Variants in ZNF469 observed in about 807,000 individuals in gnomAD.
ZNF469 encodes the protein zinc finger protein 469.
A neutral mutation model predicts 1.0 loss-of-function variants in ZNF469; 1 was observed. That is an observed-to-expected ratio of 1.00 (90% CI 0.35 to 4.73). The LOEUF (loss-of-function observed/expected upper bound fraction) is 4.73, where lower values mean the gene tolerates loss of function less well. Ranked by LOEUF, ZNF469 falls within the 30% of genes most tolerant of loss-of-function variation. ZNF469 has a pLI of 0.16. For missense variants in ZNF469, 6,100 were observed against 5,356.3 expected, an observed-to-expected ratio of 1.14 and a Z score of -4.33; for synonymous variants, 2,703 against 2,363.4, an observed-to-expected ratio of 1.14 and a Z score of -4.17.
chr16:88,223,793 T>C, the ZNF469 span, among the ~76,000 whole-genome samples: 3 of 152,194 alleles, frequency 2.0e-5, no homozygotes, highest in African/African-American at 7.2e-5. Flanking sequence ...AATTTGTGGT[T>C]ATTTGACTTT....
intron 1 of ZNF469, among the ~76,000 whole-genome samples, chr16:88,399,327 G>T (rs1371900116): frequency 1.3e-5 from 2 of 152,224 alleles, no homozygotes; most frequent in African/African-American, 2.4e-5. Context: ...CAGGTTCTGG[G>T]GACAAGGATA....
upstream of ZNF469, among the ~76,000 whole-genome samples, chr16:88,377,996 C>A (rs866809640): frequency 7.2e-5 from 11 of 152,270 alleles, no homozygotes; most frequent in Middle Eastern, 3.4e-3. Flanking sequence ...ACACCTGCAT[C>A]CTCAAGGACC....
chr16:88,359,461 G>A, the ZNF469 span, among the ~76,000 whole-genome samples: 1 of 152,204 alleles, frequency 6.6e-6, no homozygotes, highest in African/African-American at 2.4e-5. Context: ...GTTTCCCTGT[G>A]TTTTCATTTG....
chr16:88,286,969 G>A, the ZNF469 span, among the ~76,000 whole-genome samples: 1 of 152,186 alleles, frequency 6.6e-6, no homozygotes, highest in Non-Finnish European at 1.5e-5. Flanking sequence ...GACTACAGCA[G>A]CTCAAATGAG....
At chr16:88,398,486 G>A (rs1188177840) in intron 1 of ZNF469, among the ~76,000 whole-genome samples, 1 of 151,764 alleles carries the variant, frequency 6.6e-6, no homozygotes, top group African/African-American at 2.4e-5. Context: ...ACGGATGAAG[G>A]GGGGCATGTG....
At chr16:88,270,727 C>G in the ZNF469 span, among the ~76,000 whole-genome samples, 1 of 152,240 alleles carries the variant, frequency 6.6e-6, no homozygotes, top group East Asian at 1.9e-4. Flanking sequence ...TTGGCTTTTG[C>G]CTGCTTCTCA....
rs1392135139 is a variant in ZNF469, at chr16:88,435,971, C to T, written c.8501C>T (p.Pro2834Leu). ...NPDTQGGVQG[P>L]EGPTPDASGS... Reference sequence around the variant, plus strand: ...GACACCCAGGGTGGAGTCCAGGGGCCTGAAGGCCCCACTCCTGATGCCTCT... The same window carrying T: ...GACACCCAGGGTGGAGTCCAGGGGCTTGAAGGCCCCACTCCTGATGCCTCT... Residue 2834 changes from proline to leucine, a missense_variant, in exon 3 of 3, where the codon CCT becomes CTT. Physicochemically the swap from Pro to Leu is moderately conservative, Grantham distance 98. Transcript: ENST00000565624. 2.1e-5 allele frequency: 32 copies of T among 1,549,844 alleles called. No homozygotes were observed. Among genetic ancestry groups the T allele is most frequent in the Non-Finnish European group, 2.5e-5 (29 of 1,146,926 alleles).
intron 1 of ZNF469, among the ~76,000 whole-genome samples, chr16:88,413,657 C>G (rs1786897697): frequency 6.6e-6 from 1 of 152,214 alleles, no homozygotes; most frequent in South Asian, 2.1e-4. Context: ...CCGCCATTGC[C>G]TCTAGCTGGG....
At chr16:88,206,115 C>G in the ZNF469 span, among the ~76,000 whole-genome samples, 1 of 152,350 alleles carries the variant, frequency 6.6e-6, no homozygotes, top group African/African-American at 2.4e-5. Context: ...TGATCTCTCA[C>G]TCCATGCTGG....
chr16:88,412,174 G>A (rs1021397865), intron 1 of ZNF469, among the ~76,000 whole-genome samples: 4 of 152,032 alleles, frequency 2.6e-5, no homozygotes, highest in South Asian at 2.1e-4. Context: ...CAGGCCCACC[G>A]TCCCAGGCCC....
the ZNF469 span, among the ~76,000 whole-genome samples, chr16:88,346,595 C>T: frequency 7.9e-5 from 12 of 152,120 alleles, no homozygotes; most frequent in African/African-American, 2.9e-4. Context: ...GTTGGCTCAC[C>T]GCGGCCTGAA....
chr16:88,227,884 C>G, the ZNF469 span, among the ~76,000 whole-genome samples: 1 of 152,202 alleles, frequency 6.6e-6, no homozygotes, highest in Non-Finnish European at 1.5e-5. Context: ...CCCCGCCAGG[C>G]TCCGCCTCCA....
upstream of ZNF469, among the ~76,000 whole-genome samples, chr16:88,378,392 G>C (rs1270435386): frequency 6.6e-6 from 1 of 152,226 alleles, no homozygotes; most frequent in Non-Finnish European, 1.5e-5. Flanking sequence ...ATATCAGCCA[G>C]GTCGCACGTT....
chr16:88,201,544 G>A, the ZNF469 span, among the ~76,000 whole-genome samples: 1 of 151,860 alleles, frequency 6.6e-6, no homozygotes, highest in Non-Finnish European at 1.5e-5. This position sits in a 1 kb window ranked among gnomAD's most constrained non-coding sequence, Gnocchi z 5.0. Context: ...GAGAGAGTGA[G>A]ACTCTGCCTC....
the ZNF469 span, among the ~76,000 whole-genome samples, chr16:88,260,904 A>C: frequency 5.3e-5 from 8 of 152,182 alleles, no homozygotes; most frequent in Non-Finnish European, 1.2e-4. This position sits in a 1 kb window ranked among gnomAD's most constrained non-coding sequence, Gnocchi z 4.1. Context: ...GACACGGAGA[A>C]AAGGAGGAGG....
chr16:88,335,511 C>T, the ZNF469 span, among the ~76,000 whole-genome samples: 1 of 152,332 alleles, frequency 6.6e-6, no homozygotes, highest in South Asian at 2.1e-4. Context: ...TGGCCAGGCC[C>T]CCTCCTCGGC....
chr16:88,372,684 A>G, the ZNF469 span, among the ~76,000 whole-genome samples: 266 of 149,868 alleles, frequency 1.8e-3, no homozygotes, highest in Non-Finnish European at 3.2e-3. Flanking sequence ...CACCACCATC[A>G]TCACCATCAC....
chr16:88,170,660 C>T, the ZNF469 span, among the ~76,000 whole-genome samples: 434 of 152,294 alleles, frequency 2.8e-3, 2 homozygotes, highest in African/African-American at 9.9e-3. The surrounding 1 kb of genome is among the most constrained non-coding windows in gnomAD (Gnocchi z 4.2). Context: ...GTCTATACCA[C>T]GCCCTGCTTG....
chr16:88,196,657 C>T, the ZNF469 span, among the ~76,000 whole-genome samples: 3 of 152,210 alleles, frequency 2.0e-5, no homozygotes, highest in African/African-American at 7.2e-5. Context: ...CTGTGGGCCA[C>T]TCACTGACAG....
Sources: gnomAD v4.1 joint callset for allele counts (sites outside exome capture counted in the v4.1 genomes callset) on GRCh38, gnomAD v4.1.1 for gene constraint, Gnocchi (gnomAD v3.1) non-coding constraint, MANE v1.5 for transcripts, NCBI Gene and HGNC (gene_info 2026-07-23, HGNC 2026-07-21) for gene names.